Variants in ERI1 observed in about 807,000 individuals in gnomAD.
The protein encoded by ERI1 is 3'-5' exoribonuclease 1.
In ERI1, 39 loss-of-function variants were observed where a neutral mutation model predicts 39.7. That is an observed-to-expected ratio of 0.98 (90% CI 0.76 to 1.28). The LOEUF (loss-of-function observed/expected upper bound fraction) is 1.28. ERI1 is among the 50% of genes most tolerant of loss of function. The pLI, the probability that ERI1 is intolerant of heterozygous loss-of-function variation, is 0.00. For missense variants in ERI1, 581 were observed against 416.9 expected, an observed-to-expected ratio of 1.39 and a Z score of -3.43; for synonymous variants, 204 against 149.6, an observed-to-expected ratio of 1.36 and a Z score of -2.65.
chr8:9,094,288 A>G (rs750070663), intron 3 of ERI1, among the ~76,000 whole-genome samples: 16 of 152,180 alleles, frequency 1.1e-4, no homozygotes, highest in Admixed American at 2.6e-4. Flanking sequence ...CAACCAGGAG[A>G]GTCTCCTCAA....
At chr8:9,084,777 C>T (rs1016942590) in intron 3 of ERI1, among the ~76,000 whole-genome samples, 1 of 152,140 alleles carries the variant, frequency 6.6e-6, no homozygotes, top group Non-Finnish European at 1.5e-5. Context: ...TAGAGAGATT[C>T]CACTGACTTT....
At chr8:9,076,066 G>C (rs1010871649) in intron 3 of ERI1, among the ~76,000 whole-genome samples, 3 of 152,090 alleles carry the variant, frequency 2.0e-5, no homozygotes, top group Non-Finnish European at 2.9e-5. Context: ...CTCCCAAGTA[G>C]CTTGGGACTA....
rs1290710985 is a variant in ERI1, at chr8:9,016,397, A to T, written c.574A>T (p.Ile192Phe). ...LSDFCISLTGITQDQVDRADT... is the reference protein window; with the variant it reads ...LSDFCISLTGFTQDQVDRADT... The stretch of plus-strand genomic sequence containing the variant: ...TGATTTCTGCATCAGTCTAACTGGA[A>T]TTACTCAGGTTATAATTCTAAGTTC... Residue 192 changes from isoleucine to phenylalanine, a missense_variant, in exon 4 of 7, where the codon ATT becomes TTT. Ile to Phe is a conservative substitution (Grantham distance 21, BLOSUM62 0). Coordinates refer to ENST00000250263, the MANE Select transcript of ERI1 (RefSeq NM_153332.4). 1.3e-6 allele frequency: 2 copies of T among 1,597,496 alleles called. No homozygotes were observed. Among genetic ancestry groups the T allele is most frequent in the Non-Finnish European group, 1.7e-6 (2 of 1,169,010 alleles).
Position 9,049,393 on chromosome 8 carries a change from G to C in ERI1, n.299+28929G>C, listed in dbSNP as rs537341325. On this transcript the variant is annotated intron_variant and non_coding_transcript_variant, in intron 3 of 3. Coordinates refer to the ERI1 transcript ENST00000518663. ...GCAACATTAATGCAAAAAAATTAAT[G>C]GTGAAAAAAAAATGTCAAGTATTGA... Among the ~76,000 whole-genome samples, 305 of 138,088 alleles carry C rather than the reference G, an allele frequency of 2.2e-3. 3 individuals carry two copies. Among genetic ancestry groups the C allele is most frequent in the African/African-American group, 7.0e-3 (252 of 35,820 alleles). The allele number at this position is 138,088 out of a possible 152,430, so 90.6% of individuals were successfully genotyped here. A position where few individuals can be genotyped will look rare whatever the true frequency, so the allele number is the denominator to read the frequency against.
At chr8:9,072,039 C>G (rs943055679) in intron 3 of ERI1, among the ~76,000 whole-genome samples, 1 of 152,180 alleles carries the variant, frequency 6.6e-6, no homozygotes, top group Admixed American at 6.5e-5. Flanking sequence ...GCATTCCAGC[C>G]TGGGTGACAG....
chr8:9,030,182 G>A lies in ERI1; in HGVS notation c.*148G>A, dbSNP rs183629220. 4.9e-3 allele frequency: 5,194 copies of A among 1,066,432 alleles called. 18 individuals carry two copies. The highest frequency in any genetic ancestry group is 6.3e-3 in the Non-Finnish European group (4,802 of 759,710). The allele number at this position is 1,066,432 out of a possible 1,614,324, so 66.1% of individuals were successfully genotyped here. ...AGGTGATAGAGATAGATACATGTAT[G>A]TGAACAGATTTTGTAGGAAGGCATA... is the stretch of plus-strand genomic sequence containing the variant. On this transcript the variant is annotated 3_prime_UTR_variant, in exon 7 of 7. Transcript: ENST00000250263.
intron 3 of ERI1, among the ~76,000 whole-genome samples, chr8:9,071,911 A>G (rs957413301): frequency 2.6e-5 from 4 of 152,156 alleles, no homozygotes; most frequent in Non-Finnish European, 4.4e-5. Context: ...ACAAAAGACA[A>G]ACAAAATTAG....
chr8:9,020,160 CTTCT>C (rs1232165457), intron 5 of ERI1, among the ~76,000 whole-genome samples, 186 bp from the exon 6 acceptor site: 1 of 152,022 alleles, frequency 6.6e-6, no homozygotes, highest in East Asian at 1.9e-4. Flanking sequence ...ATATATCCGA[CTTCT>C]TTGTTTGGTT....
At chr8:9,009,898 A>G (rs1816483981) in intron 2 of ERI1, among the ~76,000 whole-genome samples, 1 of 152,192 alleles carries the variant, frequency 6.6e-6, no homozygotes, top group African/African-American at 2.4e-5. Flanking sequence ...TGACAATGAT[A>G]GTGAAATGAT....
intron 6 of ERI1, among the ~76,000 whole-genome samples, chr8:9,029,256 C>T (rs1409224713): frequency 6.6e-6 from 1 of 152,164 alleles, no homozygotes; most frequent in South Asian, 2.1e-4. Context: ...TAAAAAACTG[C>T]AGAGTTTTTA....
At chr8:9,061,623 A>G (rs892341183) in intron 3 of ERI1, among the ~76,000 whole-genome samples, 1 of 152,226 alleles carries the variant, frequency 6.6e-6, no homozygotes, top group African/African-American at 2.4e-5. Flanking sequence ...AAGAATTCTG[A>G]CCGCACTAAC....
chr8:9,025,181 G>A (rs1458186836), intron 6 of ERI1, among the ~76,000 whole-genome samples: 1 of 152,146 alleles, frequency 6.6e-6, no homozygotes, highest in Non-Finnish European at 1.5e-5. Flanking sequence ...GGTGTTGAAA[G>A]GGAGGAAAAA....
intron 3 of ERI1, among the ~76,000 whole-genome samples, chr8:9,012,154 G>A (rs28482034): frequency 0.45 from 68,751 of 151,948 alleles, 16,887 homozygotes; most frequent in African/African-American, 0.59. Context: ...TTTAATATGC[G>A]GTCAGGCTTG....
At chr8:9,043,802 C>G (rs904278102) in intron 3 of ERI1, among the ~76,000 whole-genome samples, 1 of 152,190 alleles carries the variant, frequency 6.6e-6, no homozygotes, top group Non-Finnish European at 1.5e-5. Context: ...ATCCTCCTAC[C>G]TCAGCCTCCT....
At chr8:9,058,232 G>A (rs1191555136) in intron 3 of ERI1, among the ~76,000 whole-genome samples, 5 of 152,188 alleles carry the variant, frequency 3.3e-5, no homozygotes, top group African/African-American at 1.2e-4. Context: ...CCAGGAATCC[G>A]GCAGAGCTGA....
chr8:9,088,805 G>T (rs1242627974), intron 3 of ERI1, among the ~76,000 whole-genome samples: 2 of 152,176 alleles, frequency 1.3e-5, no homozygotes, highest in African/African-American at 2.4e-5. Flanking sequence ...ATTGCCTTTG[G>T]ATTGTAGCAT....
chr8:9,095,833 A>G (rs1799859809), intron 3 of ERI1, among the ~76,000 whole-genome samples: 1 of 151,992 alleles, frequency 6.6e-6, no homozygotes, highest in South Asian at 2.1e-4. Flanking sequence ...ATATAATAGA[A>G]GTTTGCTCTG....
chr8:9,006,293 T>C (rs1816014837), intron 1 of ERI1, among the ~76,000 whole-genome samples: 1 of 152,222 alleles, frequency 6.6e-6, no homozygotes, highest in South Asian at 2.1e-4. Context: ...GAACTAGAGC[T>C]GGACCTAGGA....
intron 1 of ERI1, among the ~76,000 whole-genome samples, chr8:9,005,011 G>C (rs6987558): frequency 0.39 from 59,889 of 151,920 alleles, 13,967 homozygotes; most frequent in East Asian, 0.7. Context: ...TTTTCAATCT[G>C]GGCCAAAGTT....
Sources: gnomAD v4.1 joint callset for allele counts (sites outside exome capture counted in the v4.1 genomes callset) on GRCh38, gnomAD v4.1.1 for gene constraint, MANE v1.5 for transcripts, NCBI Gene and HGNC (gene_info 2026-07-23, HGNC 2026-07-21) for gene names.